The following DDAH1 variants were observed in gnomAD, a reference collection of about 807,000 sequenced individuals.
The protein encoded by DDAH1 is N(G),N(G)-dimethylarginine dimethylaminohydrolase 1.
DDAH1 carries 19 observed loss-of-function variants against 28.8 expected under a neutral mutation model. That is an observed-to-expected ratio of 0.66 (90% CI 0.46 to 0.97). The LOEUF (loss-of-function observed/expected upper bound fraction) is 0.97. DDAH1 is among the 50% of genes least tolerant of loss of function. The pLI, the probability that DDAH1 is intolerant of heterozygous loss-of-function variation, is 0.00. For missense variants in DDAH1, 326 were observed against 375.9 expected (o/e 0.87, Z 1.10); for synonymous variants, 153 against 154.4 (o/e 0.99, Z 0.07).
intron 2 of DDAH1, among the ~76,000 whole-genome samples, chr1:85,357,834 C>A (rs185664659): frequency 3.3e-5 from 5 of 152,268 alleles, no homozygotes; most frequent in South Asian, 2.1e-4. Context: ...ACTAATTATA[C>A]GATAAATGAG....
At chr1:85,476,658 A>T (rs1232707860) in intron 2 of DDAH1, among the ~76,000 whole-genome samples, 1 of 152,132 alleles carries the variant, frequency 6.6e-6, no homozygotes, top group Non-Finnish European at 1.5e-5. Context: ...CTAGCATGGC[A>T]TGATTTCTGC....
intron 2 of DDAH1, among the ~76,000 whole-genome samples, chr1:85,357,135 A>G (rs1649531712): frequency 6.6e-6 from 1 of 152,218 alleles, no homozygotes; most frequent in Non-Finnish European, 1.5e-5. Flanking sequence ...GGGAGACACA[A>G]AGAATATTCT....
At chr1:85,551,270 TG>T (rs1658779882) in intron 1 of DDAH1, among the ~76,000 whole-genome samples, 1 of 152,172 alleles carries the variant, frequency 6.6e-6, no homozygotes, top group South Asian at 2.1e-4. Flanking sequence ...ACATGGCAAT[TG>T]GGCTGCTCAT....
At chr1:85,469,506 T>C (rs539369437), upstream of DDAH1, among the ~76,000 whole-genome samples, 24 of 152,354 alleles carry the variant, frequency 1.6e-4, no homozygotes, top group South Asian at 5.0e-3. Flanking sequence ...TGCAAAGTGC[T>C]TAAAAAGTGC....
intron 1 of DDAH1, among the ~76,000 whole-genome samples, chr1:85,513,895 A>T (rs1277239340): frequency 4.6e-5 from 7 of 152,230 alleles, no homozygotes. Flanking sequence ...ATGCTTTTAC[A>T]GTGTTGGTGG....
Position 85,528,146 on chromosome 1 carries a change from T to A in DDAH1, c.-122-31865A>T, listed in dbSNP as rs576455630. On this transcript the variant is annotated intron_variant, in intron 1 of 6. Coordinates refer to the DDAH1 transcript ENST00000426972. ...GTGAGTTAGTACACTCACATGTATA[T>A]GTTTATATGTTATTTGTATACACAT... 4.8e-3 allele frequency among the ~76,000 whole-genome samples: 722 copies of A among 151,936 alleles called. 5 individuals are homozygous for A. The highest frequency in any genetic ancestry group is 0.016 in the African/African-American group (678 of 41,438).
chr1:85,518,936 C>T (rs1172426102), intron 1 of DDAH1, among the ~76,000 whole-genome samples: 2 of 152,058 alleles, frequency 1.3e-5, no homozygotes, highest in Non-Finnish European at 2.9e-5. Context: ...CTATCATCAT[C>T]ATTGCTATGT....
chr1:85,532,475 C>T (rs1260253477), intron 1 of DDAH1, among the ~76,000 whole-genome samples: 3 of 152,156 alleles, frequency 2.0e-5, no homozygotes, highest in African/African-American at 7.2e-5. Flanking sequence ...CCTTCAGTTT[C>T]ACCACGTTTG....
chr1:85,389,378 T>C (rs1431890013), intron 1 of DDAH1, among the ~76,000 whole-genome samples: 3 of 152,216 alleles, frequency 2.0e-5, no homozygotes, highest in Non-Finnish European at 4.4e-5. Flanking sequence ...ATAAATATTA[T>C]TTACTAACTA....
At chr1:85,327,658 A>G (rs1340341456) in intron 4 of DDAH1, among the ~76,000 whole-genome samples, 3 of 152,168 alleles carry the variant, frequency 2.0e-5, no homozygotes, top group Non-Finnish European at 4.4e-5. Context: ...TCAGCCACAC[A>G]CTAATTGTGT....
chr1:85,550,742 A>C (rs1006553384), intron 1 of DDAH1, among the ~76,000 whole-genome samples: 1 of 151,192 alleles, frequency 6.6e-6, no homozygotes, highest in Non-Finnish European at 1.5e-5. Flanking sequence ...GTAAGTAATA[A>C]TAAAAAACAC....
At chr1:85,339,276 A>G (rs1648323998) in intron 4 of DDAH1, among the ~76,000 whole-genome samples, 3 of 152,306 alleles carry the variant, frequency 2.0e-5, no homozygotes, top group East Asian at 1.9e-4. Context: ...TTGGAACCCT[A>G]TAACGATGAG....
In DDAH1 at chr1:85,464,734, G is replaced by C. The variant is rs770073012; in HGVS notation, c.303+9C>G. ...GCGCCCCGGCCGCGCCCCTCGAGTC[G>C]GCAGTTACCTCCTTCCTCCGGCTCG... On this transcript the variant is annotated intron_variant, in intron 1 of 5. Coordinates refer to ENST00000284031, the MANE Select transcript of DDAH1 (RefSeq NM_012137.4). The surrounding 1 kb of genome is among the most constrained non-coding windows in gnomAD (Gnocchi z 4.4). 1.3e-5 allele frequency: 19 copies of C among 1,509,952 alleles called. No homozygotes were observed. The Admixed American group carries it at 2.0e-4, about 16-fold the overall frequency. The allele number at this position is 1,509,952 out of a possible 1,614,324, so 93.5% of individuals were successfully genotyped here.
chr1:85,565,141 G>T (rs1293980753), intron 1 of DDAH1, among the ~76,000 whole-genome samples: 1 of 152,070 alleles, frequency 6.6e-6, no homozygotes, highest in Non-Finnish European at 1.5e-5. Flanking sequence ...GGCAGAGTTT[G>T]CAGTGAGCCG....
intron 1 of DDAH1, among the ~76,000 whole-genome samples, chr1:85,378,223 C>T (rs563103849): frequency 2.2e-4 from 34 of 152,236 alleles, no homozygotes; most frequent in Admixed American, 5.9e-4. Flanking sequence ...TGTATCTCCT[C>T]CTCCTCATAG....
At chr1:85,399,366 T>G (rs1353099807) in intron 1 of DDAH1, 1 of 152,226 alleles carries the variant, frequency 6.6e-6, no homozygotes, top group African/African-American at 2.4e-5. Context: ...TATGAATGAC[T>G]TGTAGAGACC....
chr1:85,365,608 T>C (rs1650031262), intron 1 of DDAH1, among the ~76,000 whole-genome samples: 1 of 152,136 alleles, frequency 6.6e-6, no homozygotes, highest in South Asian at 2.1e-4. Context: ...CATATGGATA[T>C]GCAGACACAC....
intron 1 of DDAH1, among the ~76,000 whole-genome samples, chr1:85,360,876 G>A (rs1023617421): frequency 2.0e-5 from 3 of 152,064 alleles, no homozygotes; most frequent in African/African-American, 7.2e-5. Flanking sequence ...CAGCTGCACT[G>A]ACATTAAAAA....
intron 1 of DDAH1, among the ~76,000 whole-genome samples, chr1:85,511,858 T>C (rs556037600): frequency 6.6e-6 from 1 of 152,238 alleles, no homozygotes; most frequent in Non-Finnish European, 1.5e-5. Context: ...CAATAATCAA[T>C]AGCCTACCAA....
Sources: gnomAD v4.1 joint callset for allele counts (sites outside exome capture counted in the v4.1 genomes callset) on GRCh38, gnomAD v4.1.1 for gene constraint, Gnocchi (gnomAD v3.1) non-coding constraint, MANE v1.5 for transcripts, NCBI Gene and HGNC (gene_info 2026-07-23, HGNC 2026-07-21) for gene names.